NDUFA10: variants seen among roughly 807,000 people sequenced by gnomAD.
NDUFA10 encodes NADH:ubiquinone oxidoreductase subunit A10.
In NDUFA10, 40 loss-of-function variants were observed where a neutral mutation model predicts 47.8. The observed-to-expected ratio is 0.84, with a 90% confidence interval of 0.65 to 1.09. The LOEUF (loss-of-function observed/expected upper bound fraction) is 1.09. NDUFA10 is among the 50% of genes least tolerant of loss of function. The pLI, the probability that NDUFA10 is intolerant of heterozygous loss-of-function variation, is 0.00. For synonymous variants in NDUFA10, 183 were observed against 172.2 expected (o/e 1.06, Z -0.49); for missense variants, 413 against 451.1 (o/e 0.92, Z 0.76).
At chr2:239,997,962 A>C (rs565533099) in intron 8 of NDUFA10, among the ~76,000 whole-genome samples, 4 of 152,380 alleles carry the variant, frequency 2.6e-5, no homozygotes, top group South Asian at 4.1e-4. Flanking sequence ...CCATGAAAAA[A>C]TCAAATTTTA....
intron 4 of NDUFA10, among the ~76,000 whole-genome samples, chr2:239,915,882 CAGAG>C (rs1185602754): frequency 5.3e-5 from 8 of 150,714 alleles, no homozygotes; most frequent in African/African-American, 1.7e-4. Flanking sequence ...CAGACACACA[CAGAG>C]AGACACACAG....
chr2:239,931,522 A>G (rs1445319082), intron 4 of NDUFA10, among the ~76,000 whole-genome samples: 1 of 151,900 alleles, frequency 6.6e-6, no homozygotes, highest in South Asian at 2.1e-4. Flanking sequence ...GCGTCTTTCC[A>G]CCAAGCGGGG....
At chr2:239,966,817 CTT>C (rs1411938613) in intron 9 of NDUFA10, among the ~76,000 whole-genome samples, 1 of 143,540 alleles carries the variant, frequency 7.0e-6, no homozygotes, top group African/African-American at 2.6e-5. Flanking sequence ...CATCTCTCAT[CTT>C]TTGAATTTTA....
chr2:239,979,377 G>A (rs1372212434), intron 9 of NDUFA10, among the ~76,000 whole-genome samples: 1 of 152,066 alleles, frequency 6.6e-6, no homozygotes, highest in Non-Finnish European at 1.5e-5. Flanking sequence ...CTGCAGGAGA[G>A]GCAACACAGC....
intron 9 of NDUFA10, among the ~76,000 whole-genome samples, chr2:239,978,476 G>A (rs1695622600): frequency 6.6e-6 from 1 of 152,096 alleles, no homozygotes; most frequent in Non-Finnish European, 1.5e-5. Flanking sequence ...ATACTCTGGC[G>A]AGCTTGGTCC....
intron 4 of NDUFA10, among the ~76,000 whole-genome samples, chr2:239,920,043 TC>T (rs1053294385): frequency 1.3e-5 from 2 of 151,912 alleles, no homozygotes; most frequent in East Asian, 2.0e-4. Context: ...CCAGGGTGCT[TC>T]CCCCCCATTC....
intron 4 of NDUFA10, among the ~76,000 whole-genome samples, chr2:239,905,393 C>T (rs975798938): frequency 1.3e-5 from 2 of 152,214 alleles, no homozygotes; most frequent in African/African-American, 4.8e-5. Flanking sequence ...CACATGTGCT[C>T]CTGGGCTCCT....
At chr2:239,977,343 G>A (rs760054843) in intron 9 of NDUFA10, among the ~76,000 whole-genome samples, 5 of 152,206 alleles carry the variant, frequency 3.3e-5, no homozygotes, top group Non-Finnish European at 7.4e-5. Context: ...CACTGTCCCT[G>A]AGTATGGCGT....
intron 4 of NDUFA10, among the ~76,000 whole-genome samples, chr2:239,948,716 T>C (rs574948148): frequency 6.6e-6 from 1 of 152,336 alleles, no homozygotes; most frequent in South Asian, 2.1e-4. Context: ...CGCAACTCAG[T>C]ATGTCCCTTC....
At chr2:239,990,694 G>T (rs1021736231) in intron 8 of NDUFA10, among the ~76,000 whole-genome samples, 2 of 152,162 alleles carry the variant, frequency 1.3e-5, no homozygotes, top group African/African-American at 4.8e-5. Flanking sequence ...AGGATGGTCT[G>T]TTGTACCACG....
intron 3 of NDUFA10, among the ~76,000 whole-genome samples, chr2:240,019,057 C>T (rs1005894575): frequency 1.3e-5 from 2 of 152,138 alleles, no homozygotes; most frequent in Non-Finnish European, 2.9e-5. Flanking sequence ...GCAGCCCCGA[C>T]GGACACTTGT....
In NDUFA10 at chr2:240,005,350, T is replaced by A. The variant is rs1320074196; in HGVS notation, c.805-55A>T. ...GAGAACCCCATTTTAGAAATTTAAA[T>A]GAAATAACTTTTTTTTGAGACAGGG... On this transcript the variant is annotated intron_variant, in intron 7 of 9. Transcript: ENST00000252711. The A allele has an allele frequency of 1.2e-5, 18 of 1,462,808 alleles. No homozygotes were observed. In the East Asian group the frequency reaches 4.1e-4, roughly 33 times the overall value. 90.6% of individuals were successfully genotyped at this position (1,462,808 alleles called of 1,614,324 possible).
At chr2:239,935,250 TAAGTGTA>T (rs1206134158) in intron 4 of NDUFA10, among the ~76,000 whole-genome samples, 2 of 152,228 alleles carry the variant, frequency 1.3e-5, no homozygotes, top group Non-Finnish European at 2.9e-5. Context: ...CCTGTGGTGT[TAAGTGTA>T]AAGTAAGAGC....
chr2:240,000,094 C>G (rs986113028), intron 8 of NDUFA10, among the ~76,000 whole-genome samples: 32 of 152,224 alleles, frequency 2.1e-4, no homozygotes, highest in Non-Finnish European at 4.6e-4. Context: ...GTACAGAATA[C>G]CTGATATTCT....
At chr2:239,936,027 G>GC (rs1694261166) in intron 4 of NDUFA10, among the ~76,000 whole-genome samples, 1 of 152,158 alleles carries the variant, frequency 6.6e-6, no homozygotes, top group Non-Finnish European at 1.5e-5. Context: ...ATTACTCCCG[G>GC]CTCCCCCAGG....
chr2:239,901,033 A>G (rs1382835261), intron 4 of NDUFA10, among the ~76,000 whole-genome samples: 1 of 152,244 alleles, frequency 6.6e-6, no homozygotes, highest in African/African-American at 2.4e-5. Flanking sequence ...TTGGAAAAAG[A>G]TGCCATCTAG....
In NDUFA10 at chr2:239,974,396, C is replaced by A. The variant is rs572152706; in HGVS notation, c.1000-13210G>T. Among the ~76,000 whole-genome samples, 3 of 152,324 alleles carry A rather than the reference C, an allele frequency of 2.0e-5. No individual in the cohort carries two copies. The South Asian group carries it at 6.2e-4, about 32-fold the overall frequency. On this transcript the variant is annotated intron_variant, in intron 9 of 9. Coordinates refer to ENST00000252711, the MANE Select transcript of NDUFA10 (RefSeq NM_004544.4). ...GATCAACAAAACCAAAAATCATAAA[C>A]CCTTCTATTCATATGAAAATCTAAG... is the stretch of plus-strand genomic sequence containing the variant.
At chr2:239,913,194 G>A (rs36095954) in intron 4 of NDUFA10, among the ~76,000 whole-genome samples, 28,850 of 152,226 alleles carry the variant, frequency 0.19, 3,252 homozygotes, top group African/African-American at 0.31. Context: ...GAAAGAGACT[G>A]CCCTCTGTGG....
intron 4 of NDUFA10, among the ~76,000 whole-genome samples, chr2:239,901,226 G>A (rs960062353): frequency 2.6e-5 from 4 of 152,106 alleles, no homozygotes; most frequent in African/African-American, 9.7e-5. Context: ...AACAACAATG[G>A]CTGGGTGGCA....
Sources: gnomAD v4.1 joint callset for allele counts (sites outside exome capture counted in the v4.1 genomes callset) on GRCh38, gnomAD v4.1.1 for gene constraint, MANE v1.5 for transcripts, NCBI Gene and HGNC (gene_info 2026-07-23, HGNC 2026-07-21) for gene names.